Variants in PRKN observed in about 807,000 individuals in gnomAD.
PRKN encodes the protein parkin RBR E3 ubiquitin protein ligase, also known as E3 ubiquitin-protein ligase parkin.
PRKN carries 56 observed loss-of-function variants against 59.5 expected under a neutral mutation model. That is an observed-to-expected ratio of 0.94 (90% CI 0.76 to 1.18). The LOEUF is 1.18. PRKN is among the 50% of genes most tolerant of loss of function. PRKN has a pLI of 0.00. For missense variants in PRKN, 657 were observed against 596.4 expected, an observed-to-expected ratio of 1.10 and a Z score of -1.06; for synonymous variants, 250 against 222.1, an observed-to-expected ratio of 1.13 and a Z score of -1.12.
rs367574978 is a variant in PRKN, at chr6:162,226,007, C to A, written c.413-24755G>T. Among the ~76,000 whole-genome samples the A allele has an allele frequency of 3.0e-4, 44 of 146,768 alleles. No homozygotes were observed. In the East Asian group the frequency reaches 3.2e-3, roughly 11 times the overall value. On this transcript the variant is annotated intron_variant, in intron 3 of 11. Coordinates refer to ENST00000366898, the MANE Select transcript of PRKN (RefSeq NM_004562.3). ...ATATACAAATGGAAAGAGTTGGAAG[C>A]AATGATCCCCCAGGGGAATCTATTG... is the stretch of plus-strand genomic sequence containing the variant.
At chr6:161,700,412 C>G (rs935962458) in intron 7 of PRKN, among the ~76,000 whole-genome samples, 1 of 152,032 alleles carries the variant, frequency 6.6e-6, no homozygotes, top group Non-Finnish European at 1.5e-5. Context: ...GATAGAAGAC[C>G]CTGAACTTCC....
At chr6:161,625,735 A>C (rs142083203) in intron 7 of PRKN, among the ~76,000 whole-genome samples, 15 of 152,314 alleles carry the variant, frequency 9.8e-5, no homozygotes, top group African/African-American at 3.4e-4. Context: ...AATCATGTGC[A>C]CAAATTGCCA....
intron 5 of PRKN, among the ~76,000 whole-genome samples, chr6:162,049,120 AC>A (rs1777509808): frequency 6.6e-6 from 1 of 152,114 alleles, no homozygotes; most frequent in African/African-American, 2.4e-5. Context: ...ACTCTTAAAA[AC>A]CAAGGGTAAA....
chr6:162,643,101 T>C (rs1317234766), intron 1 of PRKN, among the ~76,000 whole-genome samples: 2 of 151,700 alleles, frequency 1.3e-5, no homozygotes, highest in Non-Finnish European at 2.9e-5. Context: ...CCACGGGTAA[T>C]AAGAAAGAAC....
At chr6:162,702,589 T>G (rs1778196433) in intron 1 of PRKN, among the ~76,000 whole-genome samples, 1 of 152,332 alleles carries the variant, frequency 6.6e-6, no homozygotes, top group Middle Eastern at 3.4e-3. Context: ...CCTAATCATA[T>G]TCATCTCCTA....
intron 6 of PRKN, among the ~76,000 whole-genome samples, chr6:161,906,048 T>C (rs1257570331): frequency 3.3e-5 from 5 of 152,000 alleles, no homozygotes; most frequent in Non-Finnish European, 1.5e-5. Flanking sequence ...CCCAGACTGG[T>C]CTGTAACTCT....
chr6:162,299,883 C>T, intron 2 of PRKN, among the ~76,000 whole-genome samples: 1 of 152,082 alleles, frequency 6.6e-6, no homozygotes, highest in East Asian at 1.9e-4. Flanking sequence ...AAATCTGAAT[C>T]AATGTTTCCA....
chr6:162,674,510 G>A (rs948303159), intron 1 of PRKN, among the ~76,000 whole-genome samples: 1 of 152,152 alleles, frequency 6.6e-6, no homozygotes, highest in African/African-American at 2.4e-5. Context: ...ACATAACTAA[G>A]GAAACTGAGG....
Position 162,133,273 on chromosome 6 carries a change from A to G in PRKN, c.534+67858T>C, listed in dbSNP as rs74469899. ...AGAGAATAGAAGTGAGGGATCTGTGAAGTGATCGGATTCAAGGTCTAGCTG... is the reference window on the plus strand; with the variant it reads ...AGAGAATAGAAGTGAGGGATCTGTGGAGTGATCGGATTCAAGGTCTAGCTG... On this transcript the variant is annotated intron_variant, in intron 4 of 11. Coordinates refer to ENST00000366898, the MANE Select transcript of PRKN (RefSeq NM_004562.3). Among the ~76,000 whole-genome samples, 54 of 152,264 alleles carry G rather than the reference A, an allele frequency of 3.5e-4. No homozygotes were observed. In the East Asian group the frequency reaches 9.9e-3, roughly 28 times the overall value.
rs1787676519 is a variant in PRKN, at chr6:161,413,327, C to T, written c.1084-26450G>A. ...AGGGTCCTGTCCTCCCTCCGCTTTC[C>T]CTTCACTTCCTGAGTCTCTTTCCAT... On this transcript the variant is annotated intron_variant, in intron 9 of 11. Coordinates refer to ENST00000366898, the MANE Select transcript of PRKN (RefSeq NM_004562.3). The surrounding 1 kb of genome is among the most constrained non-coding windows in gnomAD (Gnocchi z 4.4). Among the ~76,000 whole-genome samples the T allele has an allele frequency of 6.6e-6, 1 of 152,174 alleles. No individual in the cohort carries two copies. The highest frequency in any genetic ancestry group is 2.1e-4 in the South Asian group (1 of 4,826).
At chr6:161,431,741 T>C (rs1562444474) in intron 9 of PRKN, among the ~76,000 whole-genome samples, 1 of 151,944 alleles carries the variant, frequency 6.6e-6, no homozygotes, top group Admixed American at 6.6e-5. Flanking sequence ...GCCTCCCGAG[T>C]AGCTGGGATT....
chr6:162,399,801 T>C (rs1406480150), intron 2 of PRKN, among the ~76,000 whole-genome samples: 1 of 150,016 alleles, frequency 6.7e-6, no homozygotes. Flanking sequence ...AAAATAAAAA[T>C]AAGATGTGAA....
chr6:161,623,546 A>G (rs1187080305), intron 7 of PRKN, among the ~76,000 whole-genome samples: 1 of 152,234 alleles, frequency 6.6e-6, no homozygotes, highest in Non-Finnish European at 1.5e-5. Flanking sequence ...TGCTTTTTTG[A>G]AAAGCTTATC....
intron 4 of PRKN, among the ~76,000 whole-genome samples, chr6:162,101,406 C>T (rs781780627): frequency 2.6e-5 from 4 of 151,718 alleles, no homozygotes; most frequent in Non-Finnish European, 4.4e-5. Context: ...CGGTGGCTCA[C>T]GCCTGTAATC....
rs374453410 is a variant in PRKN, at chr6:162,429,093, T to C, written c.171+14217A>G. ...TTACTTGCTTTAAACCTGAAGATTG[T>C]ATTTGGTTGCATGTACCGGAATACT... On this transcript the variant is annotated intron_variant, in intron 2 of 11. Coordinates refer to ENST00000366898, the MANE Select transcript of PRKN (RefSeq NM_004562.3). Among the ~76,000 whole-genome samples, 83 of 152,332 alleles carry C rather than the reference T, an allele frequency of 5.4e-4. 3 individuals carry two copies. The South Asian group carries it at 0.016, about 30-fold the overall frequency.
chr6:162,389,346 A>T (rs1188577813), intron 2 of PRKN, among the ~76,000 whole-genome samples: 1 of 152,106 alleles, frequency 6.6e-6, no homozygotes, highest in East Asian at 1.9e-4. Context: ...CTAGGTAATG[A>T]TTGCCCATGG....
At chr6:162,480,675 G>C (rs1044796516) in intron 1 of PRKN, among the ~76,000 whole-genome samples, 14 of 151,908 alleles carry the variant, frequency 9.2e-5, no homozygotes, top group African/African-American at 3.1e-4. Context: ...CATCTTCAAG[G>C]GCTTCCCTGA....
chr6:161,978,584 G>T (rs1781141995), intron 5 of PRKN, among the ~76,000 whole-genome samples: 2 of 152,172 alleles, frequency 1.3e-5, no homozygotes, highest in African/African-American at 4.8e-5. Context: ...ATTCTGTTTT[G>T]TTTCTCTTAA....
intron 4 of PRKN, among the ~76,000 whole-genome samples, chr6:162,059,761 A>G (rs1186713208): frequency 6.6e-6 from 1 of 151,870 alleles, no homozygotes; most frequent in African/African-American, 2.4e-5. Context: ...TTTTTTGCCT[A>G]GTAATGACGA....
Sources: gnomAD v4.1 joint callset for allele counts (sites outside exome capture counted in the v4.1 genomes callset) on GRCh38, gnomAD v4.1.1 for gene constraint, Gnocchi (gnomAD v3.1) non-coding constraint, MANE v1.5 for transcripts, NCBI Gene and HGNC (gene_info 2026-07-23, HGNC 2026-07-21) for gene names.